Variants in UBE2D2 observed in about 807,000 individuals in gnomAD.
UBE2D2 encodes ubiquitin-conjugating enzyme E2 D2.
A neutral mutation model predicts 24.2 loss-of-function variants in UBE2D2; 2 were observed. The observed-to-expected ratio is 0.08, with a 90% CI of 0.03 to 0.26. The LOEUF is 0.26. Among genes scored for constraint, UBE2D2 ranks in the 10% least tolerant of loss-of-function variants. The pLI is 1.00. For missense variants in UBE2D2, 44 were observed against 177.6 expected (o/e 0.25, Z 4.28); for synonymous variants, 58 against 56.5 (o/e 1.03, Z -0.12).
At chr5:139,607,723 T>TCGGCATGGTACAGTGC in intron 2 of UBE2D2, among the ~76,000 whole-genome samples, 1 of 152,314 alleles carries the variant, frequency 6.6e-6, no homozygotes, top group East Asian at 1.9e-4. Flanking sequence ...GTAAGAATGT[T>TCGGCATGGTACAGTGC]CGGCATGGTA....
intron 1 of UBE2D2, among the ~76,000 whole-genome samples, chr5:139,527,330 G>C (rs952633118): frequency 6.6e-6 from 1 of 152,150 alleles, no homozygotes; most frequent in Non-Finnish European, 1.5e-5. Context: ...AGCATAAGCA[G>C]CTGGCAGAGG....
At chr5:139,615,721 A>G in intron 5 of UBE2D2, among the ~76,000 whole-genome samples, 1 of 152,034 alleles carries the variant, frequency 6.6e-6, no homozygotes, top group East Asian at 1.9e-4. Flanking sequence ...AGGTTTCTGT[A>G]TCAATGAACT....
chr5:139,542,701 GGTAGAA>G (rs1392136803), intron 1 of UBE2D2, among the ~76,000 whole-genome samples: 6 of 152,046 alleles, frequency 3.9e-5, no homozygotes, highest in African/African-American at 1.2e-4. Flanking sequence ...ATAGCCAAAA[GGTAGAA>G]GTAACCCAAG....
At chr5:139,532,808 G>A (rs2126627305) in intron 1 of UBE2D2, among the ~76,000 whole-genome samples, 1 of 151,908 alleles carries the variant, frequency 6.6e-6, no homozygotes, top group South Asian at 2.1e-4. Flanking sequence ...TTTTTAATGT[G>A]CTAAAAAATG....
chr5:139,613,515 GT>G (rs1183905209), intron 2 of UBE2D2, among the ~76,000 whole-genome samples: 10 of 152,190 alleles, frequency 6.6e-5, no homozygotes, highest in Admixed American at 6.6e-4. Flanking sequence ...TATTGAACAA[GT>G]TTATAACTTA....
intron 1 of UBE2D2, among the ~76,000 whole-genome samples, chr5:139,570,828 C>T (rs1374767218): frequency 6.6e-6 from 1 of 151,956 alleles, no homozygotes; most frequent in African/African-American, 2.4e-5. Context: ...GTTGGGATTA[C>T]AGGCATGAGC....
intron 1 of UBE2D2, among the ~76,000 whole-genome samples, chr5:139,588,568 T>C (rs1418487761): frequency 2.0e-5 from 3 of 152,186 alleles, no homozygotes; most frequent in African/African-American, 7.2e-5. Context: ...TACAACAAAT[T>C]AGATTATATA....
At chr5:139,562,207 G>C in intron 1 of UBE2D2, 2 of 1,379,038 alleles carry the variant, frequency 1.5e-6, no homozygotes, top group Non-Finnish European at 1.9e-6. Context: ...AGGGCTTCTC[G>C]CCCCATTTCT....
At chr5:139,535,872 T>A (rs996720760) in intron 1 of UBE2D2, among the ~76,000 whole-genome samples, 2 of 152,076 alleles carry the variant, frequency 1.3e-5, no homozygotes, top group African/African-American at 4.8e-5. Flanking sequence ...GTTTCATTAA[T>A]ACTTCCACTT....
chr5:139,547,840 G>A (rs1752853510), intron 1 of UBE2D2, among the ~76,000 whole-genome samples: 1 of 151,924 alleles, frequency 6.6e-6, no homozygotes, highest in African/African-American at 2.4e-5. Context: ...GATTACAGGC[G>A]CCTGCCACCA....
At chr5:139,586,502 A>G (rs1343093306) in intron 1 of UBE2D2, among the ~76,000 whole-genome samples, 3 of 152,202 alleles carry the variant, frequency 2.0e-5, no homozygotes, top group African/African-American at 7.2e-5. Context: ...ACAGTGGCTT[A>G]CGCCTGTAAT....
At chr5:139,604,632 C>G (rs1754157506) in intron 2 of UBE2D2, among the ~76,000 whole-genome samples, 1 of 152,082 alleles carries the variant, frequency 6.6e-6, no homozygotes, top group Non-Finnish European at 1.5e-5. Flanking sequence ...TGCCTGTAAT[C>G]CCAGCTACTG....
At chr5:139,595,899 T>G (rs1323055655) in intron 1 of UBE2D2, among the ~76,000 whole-genome samples, 3 of 143,706 alleles carry the variant, frequency 2.1e-5, no homozygotes, top group East Asian at 2.0e-4. Flanking sequence ...GTTGTTTTTT[T>G]TTTTTTTTTT....
chr5:139,591,640 A>G (rs1056653317), intron 1 of UBE2D2, among the ~76,000 whole-genome samples: 5 of 152,190 alleles, frequency 3.3e-5, no homozygotes, highest in African/African-American at 9.6e-5. Context: ...GATTAAGTCT[A>G]TCAGCTGCAG....
chr5:139,563,084 A>T (rs916472436), intron 1 of UBE2D2, among the ~76,000 whole-genome samples: 6 of 152,198 alleles, frequency 3.9e-5, no homozygotes, highest in Non-Finnish European at 8.8e-5. Flanking sequence ...CACACGGCCT[A>T]TACCTGTAGC....
intron 1 of UBE2D2, among the ~76,000 whole-genome samples, chr5:139,585,833 A>G (rs1753715183): frequency 6.8e-6 from 1 of 146,442 alleles, no homozygotes; most frequent in African/African-American, 2.5e-5. Flanking sequence ...AAACATAGGG[A>G]GGCTGAGGGA....
intron 1 of UBE2D2, 41 bp from the exon 2 acceptor site, chr5:139,600,331 A>G: frequency 1.9e-6 from 3 of 1,596,128 alleles, no homozygotes; most frequent in Non-Finnish European, 2.6e-6. Flanking sequence ...TAAAAGGTAC[A>G]TTTATGTTGA....
intron 2 of UBE2D2, among the ~76,000 whole-genome samples, chr5:139,602,452 A>C (rs1754099435): frequency 6.6e-6 from 1 of 152,182 alleles, no homozygotes. Flanking sequence ...TGAGGCAGGC[A>C]GATCACTTGA....
At chr5:139,547,283 T>A (rs1752846835) in intron 1 of UBE2D2, among the ~76,000 whole-genome samples, 1 of 151,792 alleles carries the variant, frequency 6.6e-6, no homozygotes. Context: ...AGAGCGAGAC[T>A]CCGTCTCAAA....
Sources: gnomAD v4.1 joint callset for allele counts (sites outside exome capture counted in the v4.1 genomes callset) on GRCh38, gnomAD v4.1.1 for gene constraint, MANE v1.5 for transcripts, NCBI Gene and HGNC (gene_info 2026-07-23, HGNC 2026-07-21) for gene names.